The following DUSP4 variants were observed in gnomAD, a reference collection of about 807,000 sequenced individuals.
DUSP4 encodes dual specificity protein phosphatase 4.
DUSP4 carries 12 observed loss-of-function variants against 27.2 expected under a neutral mutation model. The ratio of observed to expected loss-of-function variants is 0.44; its 90% CI spans 0.28 to 0.71. DUSP4 has a LOEUF of 0.71. Ranked by LOEUF, DUSP4 falls within the 30% of genes least tolerant of loss-of-function variation. The probability of loss-of-function intolerance (pLI) is 0.14; values close to 1 mark genes in which losing one functional copy is unlikely to be tolerated. For missense variants in DUSP4, 448 were observed against 551.3 expected (o/e 0.81, Z 1.88); for synonymous variants, 257 against 245.2 (o/e 1.05, Z -0.45).
rs768504501 is a variant in DUSP4, at chr8:29,337,092, G to A, written c.1119C>T (p.Gly373=). The change falls in exon 4 of 4, where the codon GGC becomes GGT. Residue 373 remains glycine (G), a synonymous_variant. Transcript: ENST00000240100. This position sits in a 1 kb window ranked among gnomAD's most constrained non-coding sequence, Gnocchi z 6.4. ...GCAGGCTGCTGGGGGCCGAGTGCAC[G>A]CCCACGGAGACCGGAAAGCTGAAGA... ...QFVFSFPVSV[G]VHSAPSSLPY... The A allele has an allele frequency of 1.1e-5, 17 of 1,609,158 alleles. No homozygotes were observed. The highest frequency in any genetic ancestry group is 4.5e-5 in the East Asian group (2 of 44,698).
chr8:29,343,159 C>T (rs1371810528), intron 1 of DUSP4, among the ~76,000 whole-genome samples: 3 of 131,006 alleles, frequency 2.3e-5, no homozygotes, highest in African/African-American at 6.4e-5. Context: ...CAGAGCGAGA[C>T]TCCATCTCAA....
In DUSP4 at chr8:29,335,782, T is replaced by C. The variant is rs1219120860; in HGVS notation, c.*1244A>G. The stretch of plus-strand genomic sequence containing the variant: ...GGAAAATTTGAACTGCACCCAATTT[T>C]CCAGGAGCACCTTAGTGTAATATGG... On this transcript the variant is annotated 3_prime_UTR_variant, in exon 4 of 4. Transcript: ENST00000240100. The C allele has an allele frequency of 6.6e-6, 1 of 152,222 alleles. No individual in the cohort carries two copies. The highest frequency in any genetic ancestry group is 2.4e-5 in the African/African-American group (1 of 41,460). The allele number at this position is 152,222 out of a possible 1,614,324, so 9.4% of individuals were successfully genotyped here. A position where few individuals can be genotyped will look rare whatever the true frequency, so the allele number is the denominator to read the frequency against.
At chr8:29,349,176 C>T (rs1315794362) in intron 1 of DUSP4, among the ~76,000 whole-genome samples, 1 of 152,246 alleles carries the variant, frequency 6.6e-6, no homozygotes, top group East Asian at 1.9e-4. Flanking sequence ...AGGACCGGTT[C>T]CGCCCGGCGT....
At chr8:29,348,726 A>C in intron 1 of DUSP4, 1 of 985,404 alleles carries the variant, frequency 1.0e-6, no homozygotes, top group Non-Finnish European at 1.2e-6. Context: ...AGCGGAAAGG[A>C]AAGGAAGGGA....
In DUSP4 at chr8:29,335,162, C is replaced by T. The variant is rs927235421; in HGVS notation, c.*1864G>A. 3 of 152,190 alleles carry T rather than the reference C, an allele frequency of 2.0e-5. No individual in the cohort carries two copies. The highest frequency in any genetic ancestry group is 7.2e-5 in the African/African-American group (3 of 41,428). 9.4% of individuals were successfully genotyped at this position (152,190 alleles called of 1,614,324 possible). ...GCTGGCACTCCATAACAAGACTGTT[C>T]CACAATACTACAAACAAAATAGCAT... On this transcript the variant is annotated 3_prime_UTR_variant, in exon 4 of 4. Coordinates refer to ENST00000240100, the MANE Select transcript of DUSP4 (RefSeq NM_001394.7).
intron 2 of DUSP4, among the ~76,000 whole-genome samples, chr8:29,339,354 G>A (rs1358246038): frequency 6.6e-6 from 1 of 152,172 alleles, no homozygotes; most frequent in Non-Finnish European, 1.5e-5. Flanking sequence ...AGTGGCTCAA[G>A]CAGGTTTTCT....
In DUSP4 at chr8:29,337,070, GGCT is replaced by G. The variant is rs748259910; in HGVS notation, c.1138_1140del (p.Ser380del). On this transcript the variant is annotated inframe_deletion, in exon 4 of 4. Coordinates refer to ENST00000240100, the MANE Select transcript of DUSP4 (RefSeq NM_001394.7). The surrounding 1 kb of genome is among the most constrained non-coding windows in gnomAD (Gnocchi z 6.4). The stretch of plus-strand genomic sequence containing the variant: ...GTGATGGGGCTGTGCAGGTAGGGCA[GGCT>G]GCTGGGGGCCGAGTGCACGCCCACG... 1.2e-5 allele frequency: 19 copies of G among 1,607,062 alleles called. No individual in the cohort carries two copies. Among genetic ancestry groups the G allele is most frequent in the Non-Finnish European group, 1.6e-5 (19 of 1,177,042 alleles).
intron 1 of DUSP4, chr8:29,347,719 G>C (rs1038594992): frequency 2.0e-6 from 2 of 982,916 alleles, no homozygotes; most frequent in Non-Finnish European, 2.4e-6. Flanking sequence ...GCTCCAGGAG[G>C]AAACAGCCCT....
chr8:29,339,840 C>A (rs1304499631), intron 2 of DUSP4, among the ~76,000 whole-genome samples: 10 of 135,688 alleles, frequency 7.4e-5, no homozygotes, highest in East Asian at 2.3e-4. Context: ...CCCCCCCCCC[C>A]ATCTCTACCA....
At chr8:29,347,851 G>A (rs1356122892) in intron 1 of DUSP4, 2 of 985,532 alleles carry the variant, frequency 2.0e-6, no homozygotes, top group Non-Finnish European at 2.4e-6. Flanking sequence ...TCTCGAATCG[G>A]TCTGGCTGGG....
intron 1 of DUSP4, among the ~76,000 whole-genome samples, chr8:29,341,873 T>C (rs1356882973): frequency 6.6e-6 from 1 of 152,198 alleles, no homozygotes; most frequent in Non-Finnish European, 1.5e-5. Context: ...GGAAACTCAT[T>C]CATTAACAGT....
intron 2 of DUSP4, among the ~76,000 whole-genome samples, chr8:29,339,790 G>C (rs1310203005): frequency 4.6e-5 from 7 of 151,742 alleles, no homozygotes; most frequent in Non-Finnish European, 7.4e-5. Context: ...GATCACTTGA[G>C]GCCAGGAGTT....
chr8:29,347,413 A>G (rs1008732491), intron 1 of DUSP4, among the ~76,000 whole-genome samples: 1 of 152,214 alleles, frequency 6.6e-6, no homozygotes, highest in African/African-American at 2.4e-5. Flanking sequence ...CTGAACACAT[A>G]TGTCAAAATC....
rs896708079 is a variant in DUSP4, at chr8:29,334,456, T to C, written c.*2570A>G. 5.3e-5 allele frequency: 8 copies of C among 152,224 alleles called. No individual in the cohort carries two copies. The highest frequency in any genetic ancestry group is 9.7e-5 in the African/African-American group (4 of 41,444). 9.4% of individuals were successfully genotyped at this position (152,224 alleles called of 1,614,324 possible). On this transcript the variant is annotated 3_prime_UTR_variant, in exon 4 of 4. Transcript: ENST00000240100. ...GGACTCGTGCTGTTATCAAGTACAATGAAAATGGCTTTATAAATAGCTGTT... is the reference window on the plus strand; with the variant it reads ...GGACTCGTGCTGTTATCAAGTACAACGAAAATGGCTTTATAAATAGCTGTT...
chr8:29,348,324 G>A, intron 1 of DUSP4: 2 of 985,620 alleles, frequency 2.0e-6, no homozygotes, highest in Non-Finnish European at 2.4e-6. Flanking sequence ...TGGCGCGGAC[G>A]CCCACCCTGG....
rs1024353810 is a variant in DUSP4 at position 29,350,482 on chromosome 8, C to A, written c.-204G>T. The A allele has an allele frequency of 3.2e-6, 2 of 620,112 alleles. No individual in the cohort carries two copies. Among genetic ancestry groups the A allele is most frequent in the African/African-American group, 1.9e-5 (1 of 52,036 alleles). 38.4% of individuals were successfully genotyped at this position (620,112 alleles called of 1,614,324 possible). On this transcript the variant is annotated 5_prime_UTR_variant, in exon 1 of 4. Coordinates refer to ENST00000240100, the MANE Select transcript of DUSP4 (RefSeq NM_001394.7). ...CCTCGCGGTCACATAGCAGTCGGAG[C>A]GGCCTCGGGCGCCCAGCCGGGCGGC...
chr8:29,340,785 A>G (rs1186077699), intron 1 of DUSP4, among the ~76,000 whole-genome samples: 1 of 152,196 alleles, frequency 6.6e-6, no homozygotes, highest in Non-Finnish European at 1.5e-5. Flanking sequence ...AAGAGACCAG[A>G]ACAAGAGGAA....
At chr8:29,339,158 G>C (rs563736394) in intron 2 of DUSP4, among the ~76,000 whole-genome samples, 3 of 152,298 alleles carry the variant, frequency 2.0e-5, no homozygotes, top group African/African-American at 7.2e-5. Flanking sequence ...ACTCAAGCCT[G>C]GGTAACAGAG....
At position 29,336,241 on chromosome 8, in the gene DUSP4, A is replaced by T. The variant is rs1817571293; in HGVS notation, c.*785T>A. 1 of 150,398 alleles carries T rather than the reference A, an allele frequency of 6.6e-6. No homozygotes were observed. Among genetic ancestry groups the T allele is most frequent in the Admixed American group, 6.7e-5 (1 of 15,014 alleles). 9.3% of individuals were successfully genotyped at this position (150,398 alleles called of 1,614,324 possible). A position where few individuals can be genotyped will look rare whatever the true frequency, so the allele number is the denominator to read the frequency against. The stretch of plus-strand genomic sequence containing the variant: ...TTTTTTAAAAAGCAATTCAAACCTA[A>T]TTCTTCCCTTTCTTCCTCCTCCCAC... On this transcript the variant is annotated 3_prime_UTR_variant, in exon 4 of 4. Coordinates refer to ENST00000240100, the MANE Select transcript of DUSP4 (RefSeq NM_001394.7).
Sources: gnomAD v4.1 joint callset for allele counts (sites outside exome capture counted in the v4.1 genomes callset) on GRCh38, gnomAD v4.1.1 for gene constraint, Gnocchi (gnomAD v3.1) non-coding constraint, MANE v1.5 for transcripts, NCBI Gene and HGNC (gene_info 2026-07-23, HGNC 2026-07-21) for gene names.